The following TSPAN8 variants were observed in gnomAD, a reference collection of about 807,000 sequenced individuals.
TSPAN8 encodes tetraspanin 8.
In TSPAN8, 21 loss-of-function variants were observed where a neutral mutation model predicts 32.8. The ratio of observed to expected loss-of-function variants is 0.64; its 90% confidence interval spans 0.45 to 0.92. The LOEUF (loss-of-function observed/expected upper bound fraction) is 0.92. Among genes scored for constraint, TSPAN8 ranks in the 40% least tolerant of loss-of-function variants. The probability of loss-of-function intolerance (pLI) is 0.00; values close to 1 mark genes in which losing one functional copy is unlikely to be tolerated. For synonymous variants in TSPAN8, 95 were observed against 94.6 expected, an observed-to-expected ratio of 1.00 and a Z score of -0.03; for missense variants, 269 against 281.9, an observed-to-expected ratio of 0.95 and a Z score of 0.33.
rs777730838 is a variant in TSPAN8 at position 71,132,679 on chromosome 12, G to T, written c.576+14C>A. ...CAGAATTGCTTATTGTACCAAATGT[G>T]ATTTAGTTCTCACCTCTTTGTAAAC... On this transcript the variant is annotated intron_variant, in intron 7 of 8. Coordinates refer to ENST00000247829, the MANE Select transcript of TSPAN8 (RefSeq NM_004616.3). 2.5e-6 allele frequency: 4 copies of T among 1,612,246 alleles called. No individual in the cohort carries two copies. In the East Asian group the frequency reaches 8.9e-5, roughly 36 times the overall value.
chr12:71,127,070 A>G (rs1479293840), intron 8 of TSPAN8, among the ~76,000 whole-genome samples: 6 of 152,148 alleles, frequency 3.9e-5, no homozygotes, highest in African/African-American at 1.4e-4. Flanking sequence ...GTCTTTTTTT[A>G]TATGATATTT....
chr12:71,155,982 C>T (rs188731509), intron 2 of TSPAN8, among the ~76,000 whole-genome samples: 85 of 152,162 alleles, frequency 5.6e-4, no homozygotes, highest in Admixed American at 1.5e-3. Context: ...CCACCCATCT[C>T]GGTCTCCCAA....
intron 7 of TSPAN8, among the ~76,000 whole-genome samples, chr12:71,130,840 G>GA (rs1053167499): frequency 4.4e-4 from 66 of 151,694 alleles, no homozygotes; most frequent in African/African-American, 1.5e-3. Context: ...AAAGGAAGAG[G>GA]AAAAAAAAGA....
intron 2 of TSPAN8, chr12:71,157,308 A>G: frequency 3.4e-6 from 1 of 294,250 alleles, no homozygotes; most frequent in Non-Finnish European, 6.5e-6. Context: ...GGCCTGCTTG[A>G]TATACAACTA....
intron 2 of TSPAN8, among the ~76,000 whole-genome samples, chr12:71,153,550 A>G (rs1024917832): frequency 6.6e-6 from 1 of 152,242 alleles, no homozygotes; most frequent in African/African-American, 2.4e-5. Context: ...AAGTTATACC[A>G]GAAAGAATGC....
intron 6 of TSPAN8, among the ~76,000 whole-genome samples, chr12:71,135,903 G>A (rs573103025): frequency 6.6e-6 from 1 of 152,150 alleles, no homozygotes; most frequent in African/African-American, 2.4e-5. Flanking sequence ...CTGGGCTCTA[G>A]AGTAAGAATG....
At position 71,132,733 on chromosome 12, in the gene TSPAN8, C is replaced by T. The variant is rs187378419; in HGVS notation, c.536G>A (p.Arg179Lys). 3.7e-6 allele frequency: 6 copies of T among 1,613,800 alleles called. No homozygotes were observed. Among genetic ancestry groups the T allele is most frequent in the Middle Eastern group, 1.6e-4 (1 of 6,078 alleles). ...PELCACLDKQ[R>K]PCQSYNGKQV... ...TTTTCCATTATAGCTTTGGCATGGTCTCTGCTTATCTAGACAGGCACATAA... is the reference window on the plus strand; with the variant it reads ...TTTTCCATTATAGCTTTGGCATGGTTTCTGCTTATCTAGACAGGCACATAA... Residue 179 changes from arginine to lysine, a missense_variant, in exon 7 of 9, where the codon AGA (arginine) becomes AAA (lysine). Transcript: ENST00000247829.
intron 2 of TSPAN8, among the ~76,000 whole-genome samples, chr12:71,148,369 C>T (rs528366419): frequency 7.2e-5 from 11 of 152,274 alleles, no homozygotes; most frequent in African/African-American, 2.2e-4. Flanking sequence ...AGAATATCAC[C>T]AGCCTTATTT....
At chr12:71,132,470 T>C (rs1056316116) in intron 7 of TSPAN8, among the ~76,000 whole-genome samples, 1 of 152,224 alleles carries the variant, frequency 6.6e-6, no homozygotes, top group Non-Finnish European at 1.5e-5. Context: ...GAATGTTTCT[T>C]TGACCTATTA....
intron 8 of TSPAN8, among the ~76,000 whole-genome samples, chr12:71,128,312 G>T (rs778890318): frequency 6.6e-6 from 1 of 152,150 alleles, no homozygotes; most frequent in Non-Finnish European, 1.5e-5. Context: ...ACACTAAATT[G>T]CTTCATTCCC....
chr12:71,136,535 A>G (rs941895059), intron 6 of TSPAN8, among the ~76,000 whole-genome samples: 3 of 152,228 alleles, frequency 2.0e-5, no homozygotes, highest in Non-Finnish European at 4.4e-5. Flanking sequence ...CCAAGGATGG[A>G]AACTGATGCA....
At position 71,139,851 on chromosome 12, in the gene TSPAN8, G is replaced by C; in HGVS notation, c.124-3C>G. ...CCTACATCTTCAGAACCAAAAATCT[G>C]AAGTAAAAAAGAGATTAATGGCAGA... On this transcript the variant is annotated splice_region_variant and splice_polypyrimidine_tract_variant and intron_variant, in intron 3 of 8. Coordinates refer to ENST00000247829, the MANE Select transcript of TSPAN8 (RefSeq NM_004616.3). The C allele has an allele frequency of 1.3e-6, 2 of 1,599,710 alleles. No individual in the cohort carries two copies. Among genetic ancestry groups the C allele is most frequent in the Non-Finnish European group, 1.7e-6 (2 of 1,174,940 alleles).
At chr12:71,156,726 C>A (rs1266650808) in intron 2 of TSPAN8, among the ~76,000 whole-genome samples, 2 of 152,152 alleles carry the variant, frequency 1.3e-5, no homozygotes, top group African/African-American at 4.8e-5. Flanking sequence ...AACCAGAGTT[C>A]TTTCATCCTT....
chr12:71,143,720 T>G (rs1392581512), intron 3 of TSPAN8, among the ~76,000 whole-genome samples: 1 of 152,200 alleles, frequency 6.6e-6, no homozygotes, highest in Non-Finnish European at 1.5e-5. Context: ...CTTCTCATTT[T>G]CTTTCCTTTT....
At chr12:71,128,682 A>T (rs1871421286) in intron 8 of TSPAN8, among the ~76,000 whole-genome samples, 1 of 150,706 alleles carries the variant, frequency 6.6e-6, no homozygotes, top group African/African-American at 2.4e-5. Flanking sequence ...AAGAAAGTTC[A>T]TCAAGACAAA....
In TSPAN8 at chr12:71,129,419, T is replaced by TA. The variant is rs143821581; in HGVS notation, c.577-6dup. The TA allele has an allele frequency of 0.017, 21,984 of 1,297,196 alleles. 5 individuals carry two copies. Among genetic ancestry groups the TA allele is most frequent in the South Asian group, 0.044 (2,925 of 67,218 alleles). The allele number at this position is 1,297,196 out of a possible 1,614,324, so 80.4% of individuals were successfully genotyped here. The stretch of plus-strand genomic sequence containing the variant: ...TTTTATGAAAGAAATACAGGTCTGT[T>TA]AAAAAAAAAAAACATTAAAAGTTAC... On this transcript the variant is annotated splice_region_variant and splice_polypyrimidine_tract_variant and intron_variant, in intron 7 of 8. Coordinates refer to ENST00000247829, the MANE Select transcript of TSPAN8 (RefSeq NM_004616.3).
At chr12:71,149,591 G>A (rs750842790) in intron 2 of TSPAN8, among the ~76,000 whole-genome samples, 9 of 152,192 alleles carry the variant, frequency 5.9e-5, no homozygotes, top group East Asian at 3.9e-4. Flanking sequence ...CAGAGGGACT[G>A]GCTGGAGCCG....
intron 3 of TSPAN8, among the ~76,000 whole-genome samples, chr12:71,141,950 A>T (rs927687404): frequency 3.3e-5 from 5 of 152,134 alleles, no homozygotes; most frequent in African/African-American, 1.2e-4. Flanking sequence ...GCTTTTCCTC[A>T]TGGTGCTAAG....
intron 8 of TSPAN8, 24 bp downstream of exon 8, chr12:71,129,307 C>A: frequency 6.6e-7 from 1 of 1,510,760 alleles, no homozygotes; most frequent in Non-Finnish European, 8.8e-7. Context: ...ATAAAAGAGT[C>A]AATAATACAA....
Sources: gnomAD v4.1 joint callset for allele counts (sites outside exome capture counted in the v4.1 genomes callset) on GRCh38, gnomAD v4.1.1 for gene constraint, MANE v1.5 for transcripts, NCBI Gene and HGNC (gene_info 2026-07-23, HGNC 2026-07-21) for gene names.